Variants in TANGO2 observed in about 807,000 individuals in gnomAD.
The protein encoded by TANGO2 is transport and golgi organization 2 homolog.
A neutral mutation model predicts 39.1 loss-of-function variants in TANGO2; 26 were observed. The ratio of observed to expected loss-of-function variants is 0.67; its 90% CI spans 0.49 to 0.92. The LOEUF (loss-of-function observed/expected upper bound fraction) is 0.92. Ranked by LOEUF, TANGO2 falls within the 40% of genes least tolerant of loss-of-function variation. The pLI, the probability that TANGO2 is intolerant of heterozygous loss-of-function variation, is 0.00. For synonymous variants in TANGO2, 131 were observed against 144.5 expected (o/e 0.91, Z 0.67); for missense variants, 326 against 360.1 (o/e 0.91, Z 0.77).
intron 3 of TANGO2, among the ~76,000 whole-genome samples, chr22:20,049,301 A>AT (rs1404521801): frequency 6.6e-6 from 1 of 152,166 alleles, no homozygotes; most frequent in Non-Finnish European, 1.5e-5. Context: ...GTTGTATCCC[A>AT]TTGATCTATG....
chr22:20,064,147 G>A (rs1349456373), intron 8 of TANGO2, among the ~76,000 whole-genome samples: 1 of 152,220 alleles, frequency 6.6e-6, no homozygotes, highest in Admixed American at 6.5e-5. Flanking sequence ...GGAGGCCTGG[G>A]CCCCAAGTGG....
chr22:20,017,029 C>G (rs987186898), upstream of TANGO2: 5 of 152,204 alleles, frequency 3.3e-5, no homozygotes, highest in Non-Finnish European at 7.3e-5. Flanking sequence ...CCGCACCTGC[C>G]CGAACCTCTG....
At chr22:20,033,693 C>T (rs1266820492) in intron 1 of TANGO2, among the ~76,000 whole-genome samples, 1 of 152,236 alleles carries the variant, frequency 6.6e-6, no homozygotes, top group Non-Finnish European at 1.5e-5. Context: ...ACCAGCTCCT[C>T]CAGAGTAAAG....
At position 20,055,939 on chromosome 22, in the gene TANGO2, G is replaced by A. The variant is rs1291953245; in HGVS notation, c.381-4G>A. On this transcript the variant is annotated splice_region_variant and splice_polypyrimidine_tract_variant and intron_variant, in intron 5 of 8. Coordinates refer to ENST00000327374, the MANE Select transcript of TANGO2 (RefSeq NM_152906.7). ...GTCTGACATTCTCTCCCCTTGGCCT[G>A]CAGCACAGCAAAGGGAGACGTCATT... 2.5e-6 allele frequency: 4 copies of A among 1,613,248 alleles called. No individual in the cohort carries two copies. In the Admixed American group the frequency reaches 6.7e-5, roughly 27 times the overall value.
chr22:20,034,760 C>T (rs566445587), intron 1 of TANGO2, among the ~76,000 whole-genome samples: 2 of 152,268 alleles, frequency 1.3e-5, no homozygotes, highest in Middle Eastern at 3.4e-3. Flanking sequence ...TGTCTTCTGT[C>T]TCCTTCGCCC....
chr22:20,058,409 A>C (rs1007617098), intron 6 of TANGO2: 1 of 152,222 alleles, frequency 6.6e-6, no homozygotes, highest in Admixed American at 6.5e-5. Context: ...TTAGGAGGCC[A>C]AGGCGGGCAG....
intron 3 of TANGO2, among the ~76,000 whole-genome samples, chr22:20,043,920 G>A (rs921552687): frequency 2.0e-5 from 3 of 152,120 alleles, no homozygotes; most frequent in Non-Finnish European, 2.9e-5. Context: ...CTGAAGCCCC[G>A]TCACCTGCAC....
intron 7 of TANGO2, 119 bp from the exon 8 acceptor site, chr22:20,063,219 C>T (rs182655217): frequency 5.7e-6 from 4 of 707,880 alleles, no homozygotes; most frequent in South Asian, 3.5e-5. Context: ...AAGAAACAAC[C>T]CTTGCAGTTC....
Position 20,064,755 on chromosome 22 carries a change from A to T in TANGO2, c.*93A>T. 6.6e-7 allele frequency: 1 copy of T among 1,512,964 alleles called. No individual in the cohort carries two copies. The allele number at this position is 1,512,964 out of a possible 1,614,324, so 93.7% of individuals were successfully genotyped here. On this transcript the variant is annotated 3_prime_UTR_variant, in exon 9 of 9. Coordinates refer to ENST00000327374, the MANE Select transcript of TANGO2 (RefSeq NM_152906.7). The stretch of plus-strand genomic sequence containing the variant: ...ACCTTCCTTTGCCATACTGCATTGC[A>T]CTGCCCGTGGCTTGGCCAGCATCCC...
At position 20,051,428 on chromosome 22, in the gene TANGO2, G is replaced by A. The variant is rs146104990; in HGVS notation, c.146-1037G>A. Among the ~76,000 whole-genome samples, 168 of 152,220 alleles carry A rather than the reference G, an allele frequency of 1.1e-3. 1 individual carries two copies. In the East Asian group the frequency reaches 0.031, roughly 28 times the overall value. ...TGCCTGTAATTCCAGCTACTCAGGA[G>A]GCTGAGGCAGGAGAATCGCTTGAAC... On this transcript the variant is annotated intron_variant, in intron 3 of 8. Transcript: ENST00000327374.
At chr22:20,032,820 G>A (rs1439849864) in intron 1 of TANGO2, among the ~76,000 whole-genome samples, 1 of 152,272 alleles carries the variant, frequency 6.6e-6, no homozygotes, top group Non-Finnish European at 1.5e-5. Context: ...GTTGTGGGAA[G>A]TGGTCCTGGC....
intron 3 of TANGO2, among the ~76,000 whole-genome samples, chr22:20,044,706 G>A (rs565769272): frequency 2.6e-5 from 4 of 152,314 alleles, no homozygotes; most frequent in African/African-American, 9.6e-5. Flanking sequence ...AGGCCTGCTG[G>A]TATAGGAGGA....
intron 7 of TANGO2, 95 bp from the exon 8 acceptor site, chr22:20,063,243 C>T (rs1309762800): frequency 9.6e-7 from 1 of 1,037,570 alleles, no homozygotes. Flanking sequence ...GGCCACTCCC[C>T]AGAGCCAGTT....
intron 3 of TANGO2, among the ~76,000 whole-genome samples, chr22:20,048,520 T>A (rs960788883): frequency 8.5e-5 from 13 of 152,248 alleles, no homozygotes; most frequent in African/African-American, 3.1e-4. Context: ...CTGGTCCTTG[T>A]TGCTTGGGCA....
At chr22:20,062,755 C>T (rs1438758321) in intron 7 of TANGO2, among the ~76,000 whole-genome samples, 2 of 151,902 alleles carry the variant, frequency 1.3e-5, no homozygotes, top group Non-Finnish European at 2.9e-5. Flanking sequence ...TTGTATGTGC[C>T]ATCTGGGGCC....
intron 7 of TANGO2, among the ~76,000 whole-genome samples, chr22:20,062,250 G>C (rs558364408): frequency 6.6e-6 from 1 of 152,172 alleles, no homozygotes; most frequent in Non-Finnish European, 1.5e-5. Flanking sequence ...TGGGGTCTTC[G>C]TTGCCCCAGC....
At chr22:20,060,607 C>T (rs921788273) in intron 6 of TANGO2, among the ~76,000 whole-genome samples, 8 of 152,166 alleles carry the variant, frequency 5.3e-5, no homozygotes, top group African/African-American at 1.9e-4. Flanking sequence ...GTCCAACTCC[C>T]TTCTTTGCCC....
intron 3 of TANGO2, among the ~76,000 whole-genome samples, chr22:20,050,258 T>C (rs905097304): frequency 3.9e-5 from 6 of 151,956 alleles, no homozygotes; most frequent in African/African-American, 1.4e-4. Context: ...TGAATATGCA[T>C]GTCTCTCCTT....
upstream of TANGO2, among the ~76,000 whole-genome samples, chr22:20,019,016 G>A (rs542417680): frequency 3.9e-5 from 6 of 152,220 alleles, no homozygotes; most frequent in South Asian, 4.1e-4. Flanking sequence ...CCTGGGAGGC[G>A]GAGGTTGCAG....
Sources: gnomAD v4.1 joint callset for allele counts (sites outside exome capture counted in the v4.1 genomes callset) on GRCh38, gnomAD v4.1.1 for gene constraint, MANE v1.5 for transcripts, NCBI Gene and HGNC (gene_info 2026-07-23, HGNC 2026-07-21) for gene names.